Variants in IFI27 observed in about 807,000 individuals in gnomAD.
IFI27 encodes the protein interferon alpha inducible protein 27, also known as interferon alpha-inducible protein 27, mitochondrial.
A neutral mutation model predicts 8.9 loss-of-function variants in IFI27; 3 were observed. That is an observed-to-expected ratio of 0.34 (90% CI 0.15 to 0.87). The LOEUF is 0.87. IFI27 is among the 40% of genes least tolerant of loss of function. The pLI is 0.51. For synonymous variants in IFI27, 66 were observed against 67.3 expected, an observed-to-expected ratio of 0.98 and a Z score of 0.09; for missense variants, 152 against 157.7, an observed-to-expected ratio of 0.96 and a Z score of 0.19.
At chr14:94,114,905 A>G (rs765833380) in intron 3 of IFI27, 25 bp downstream of exon 3, 3 of 1,610,528 alleles carry the variant, frequency 1.9e-6, no homozygotes, top group Non-Finnish European at 2.5e-6. Flanking sequence ...AAGGGGCTCA[A>G]GTAACCACCT....
chr14:94,106,800 A>G (rs1207924498), upstream of IFI27, among the ~76,000 whole-genome samples: 1 of 152,128 alleles, frequency 6.6e-6, no homozygotes, highest in Non-Finnish European at 1.5e-5. Flanking sequence ...CACACGGTGC[A>G]AGAGCAAGAG....
upstream of IFI27, among the ~76,000 whole-genome samples, chr14:94,109,661 T>C (rs1887094659): frequency 6.6e-6 from 1 of 152,124 alleles, no homozygotes; most frequent in Admixed American, 6.5e-5. Context: ...TAAGCTGCAG[T>C]TTGGAAACAT....
upstream of IFI27, among the ~76,000 whole-genome samples, chr14:94,110,262 A>G (rs1309693986): frequency 3.3e-5 from 5 of 151,870 alleles, no homozygotes; most frequent in Non-Finnish European, 7.4e-5. Flanking sequence ...TTGCTGGTAA[A>G]CTCTGTGAGG....
Position 94,114,851 on chromosome 14 carries a change from C to T in IFI27, c.92C>T (p.Ala31Val), listed in dbSNP as rs1416277042. The T allele has an allele frequency of 2.5e-6, 4 of 1,613,984 alleles. No homozygotes were observed. The African/African-American group carries it at 5.3e-5, about 22-fold the overall frequency. Reference sequence around the variant, plus strand: ...CACAGAATGTTCTTTTGGTTTCCAGCCAGGATTGCTACAGTTGTGATTGGA... The same window carrying T: ...CACAGAATGTTCTTTTGGTTTCCAGTCAGGATTGCTACAGTTGTGATTGGA... The change falls in exon 3 of 5, where the codon GCC (alanine) becomes GTC (valine). Residue 31 changes from alanine (A) to valine (V), a missense_variant and splice_region_variant. By Grantham distance (64) the Ala-to-Val change is moderately conservative. Coordinates refer to ENST00000621160, the Ensembl canonical transcript of IFI27.
Position 94,111,955 on chromosome 14 carries a change from A to T in IFI27, c.91+182A>T. ...ATCTGGGAGGGGGCCCGGGGCAGGC[A>T]GACTCTGGCCAGATGCCCAGCCCTG... On this transcript the variant is annotated intron_variant, in intron 2 of 4. Coordinates refer to ENST00000621160, the Ensembl canonical transcript of IFI27. This position sits in a 1 kb window ranked among gnomAD's most constrained non-coding sequence, Gnocchi z 4.3. The T allele has an allele frequency of 1.5e-6, 1 of 645,586 alleles. No homozygotes were observed. The allele number at this position is 645,586 out of a possible 1,614,324, so 40.0% of individuals were successfully genotyped here.
At chr14:94,108,153 C>G (rs541232341), upstream of IFI27, among the ~76,000 whole-genome samples, 2 of 152,222 alleles carry the variant, frequency 1.3e-5, no homozygotes, top group South Asian at 4.2e-4. Context: ...TCATGTCCCT[C>G]CAAAGGACAT....
intron 3 of IFI27, 49 bp from the exon 4 acceptor site, chr14:94,115,732 G>A (rs771717465): frequency 1.9e-6 from 3 of 1,569,494 alleles, no homozygotes; most frequent in Non-Finnish European, 2.6e-6. Flanking sequence ...GTGTATCTGG[G>A]GGGGTCCCTT....
Position 94,116,260 on chromosome 14 carries a change from C to T in IFI27, c.284-182C>T, listed in dbSNP as rs111237102. ...TGGAGTTCACCATGGGGGTTCATGC[C>T]TGCAGCAGCCTCTCCCCAAACAAAG... On this transcript the variant is annotated intron_variant, in intron 4 of 4. Coordinates refer to ENST00000621160, the Ensembl canonical transcript of IFI27. This position sits in a 1 kb window ranked among gnomAD's most constrained non-coding sequence, Gnocchi z 4.3. 0.019 allele frequency: 12,067 copies of T among 643,984 alleles called. 1,047 individuals carry two copies. In the African/African-American group the frequency reaches 0.19, roughly 10 times the overall value. 39.9% of individuals were successfully genotyped at this position (643,984 alleles called of 1,614,324 possible). A position where few individuals can be genotyped will look rare whatever the true frequency, so the allele number is the denominator to read the frequency against.
At position 94,114,737 on chromosome 14, in the gene IFI27, T is replaced by C. The variant is rs1048386750; in HGVS notation, c.92-114T>C. On this transcript the variant is annotated intron_variant, in intron 2 of 4. Coordinates refer to ENST00000621160, the Ensembl canonical transcript of IFI27. ...AGCGGTAGACAGGAGTCATCCCTTC[T>C]TGTGGCTCCCAACCTGGGGCAGCCC... 10 of 1,063,586 alleles carry C rather than the reference T, an allele frequency of 9.4e-6. No individual in the cohort carries two copies. The South Asian group carries it at 1.3e-4, about 14-fold the overall frequency. The allele number at this position is 1,063,586 out of a possible 1,614,324, so 65.9% of individuals were successfully genotyped here.
chr14:94,111,546 C>A lies in IFI27; in HGVS notation c.-58-79C>A. ...AGCAGCCTCCCTAGCCCCCTGGAGC[C>A]CGTCACATTTTTCAGGACAGTGGGA... On this transcript the variant is annotated intron_variant, in intron 1 of 4. Transcript: ENST00000621160. This position sits in a 1 kb window ranked among gnomAD's most constrained non-coding sequence, Gnocchi z 4.3. 1.4e-6 allele frequency: 1 copy of A among 701,440 alleles called. No individual in the cohort carries two copies. 43.5% of individuals were successfully genotyped at this position (701,440 alleles called of 1,614,324 possible). A position where few individuals can be genotyped will look rare whatever the true frequency, so the allele number is the denominator to read the frequency against.
At chr14:94,108,644 A>G (rs1251253699), upstream of IFI27, among the ~76,000 whole-genome samples, 1 of 152,204 alleles carries the variant, frequency 6.6e-6, no homozygotes, top group African/African-American at 2.4e-5. Flanking sequence ...CTTCCCAGAG[A>G]GAAAGCCAGA....
upstream of IFI27, among the ~76,000 whole-genome samples, chr14:94,109,685 T>C (rs1403211943): frequency 6.6e-6 from 1 of 152,194 alleles, no homozygotes; most frequent in Non-Finnish European, 1.5e-5. Context: ...TTGTGATAGT[T>C]CCTGTTAGCA....
At chr14:94,110,982 A>G (rs1887159899) in intron 1 of IFI27, 185 bp downstream of exon 1, 4 of 154,438 alleles carry the variant, frequency 2.6e-5, no homozygotes, top group Non-Finnish European at 5.9e-5. Context: ...CTGGAATGTA[A>G]GGACAATTAG....
At chr14:94,109,125 C>A (rs1887062683), upstream of IFI27, among the ~76,000 whole-genome samples, 1 of 151,982 alleles carries the variant, frequency 6.6e-6, no homozygotes, top group South Asian at 2.1e-4. Context: ...GAAACCCCAT[C>A]TCTACTAAAA....
At chr14:94,106,598 A>G (rs1276565546), upstream of IFI27, among the ~76,000 whole-genome samples, 1 of 152,096 alleles carries the variant, frequency 6.6e-6, no homozygotes, top group Non-Finnish European at 1.5e-5. Context: ...CTTTTTGGCC[A>G]TTTGTATATC....
intron 3 of IFI27, 93 bp downstream of exon 3, chr14:94,114,973 C>T: frequency 8.4e-7 from 1 of 1,188,884 alleles, no homozygotes; most frequent in Non-Finnish European, 1.3e-6. Context: ...ATGTTTCCCT[C>T]ACATGGGTGG....
intron 2 of IFI27, chr14:94,114,386 A>G (rs976156367): frequency 2.3e-5 from 4 of 171,550 alleles, no homozygotes; most frequent in Non-Finnish European, 5.0e-5. Context: ...CATGACACCC[A>G]TCCTGTTCAC....
chr14:94,114,910 C>A, intron 3 of IFI27, 30 bp downstream of exon 3: 1 of 1,606,836 alleles, frequency 6.2e-7, no homozygotes, highest in East Asian at 2.2e-5. Flanking sequence ...GCTCAAGTAA[C>A]CACCTGCCCC....
intron 3 of IFI27, chr14:94,115,217 G>A (rs2139299872): frequency 1.6e-6 from 1 of 621,430 alleles, no homozygotes; most frequent in South Asian, 1.5e-5. Context: ...GGCTGGTAAT[G>A]CCCATTCAGG....
Sources: gnomAD v4.1 joint callset for allele counts (sites outside exome capture counted in the v4.1 genomes callset) on GRCh38, gnomAD v4.1.1 for gene constraint, Gnocchi (gnomAD v3.1) non-coding constraint, MANE v1.5 for transcripts, NCBI Gene and HGNC (gene_info 2026-07-23, HGNC 2026-07-21) for gene names.